The following CLEC18A variants were observed in gnomAD, a reference collection of about 807,000 sequenced individuals.
CLEC18A encodes the protein mannose receptor-like 1.
In CLEC18A, 5 loss-of-function variants were observed where a neutral mutation model predicts 24.0. That is an observed-to-expected ratio of 0.21 (90% CI 0.11 to 0.44). The LOEUF (loss-of-function observed/expected upper bound fraction) is 0.44, where lower values mean the gene tolerates loss of function less well. Among genes scored for constraint, CLEC18A ranks in the 20% least tolerant of loss-of-function variants. The pLI, the probability that CLEC18A is intolerant of heterozygous loss-of-function variation, is 0.99. For synonymous variants in CLEC18A, 29 were observed against 100.1 expected (o/e 0.29, Z 4.24); for missense variants, 83 against 233.4 (o/e 0.36, Z 4.20).
the CLEC18A span, among the ~76,000 whole-genome samples, chr16:69,944,430 C>T: frequency 1.3e-5 from 2 of 151,974 alleles, no homozygotes; most frequent in Admixed American, 1.3e-4. Flanking sequence ...GACAGAGAAA[C>T]ATTTTAAGAA....
intron 3 of CLEC18A, among the ~76,000 whole-genome samples, chr16:69,955,451 A>G (rs1350725829): frequency 2.0e-5 from 3 of 151,654 alleles, no homozygotes; most frequent in South Asian, 4.2e-4. Context: ...CCCAGATTCA[A>G]GTGACTGTCC....
At chr16:69,956,030 G>T (rs1239186837) in intron 3 of CLEC18A, among the ~76,000 whole-genome samples, 2 of 152,216 alleles carry the variant, frequency 1.3e-5, no homozygotes, top group East Asian at 3.9e-4. Context: ...AGGATTGCCT[G>T]AGCCCGGGAG....
upstream of CLEC18A, among the ~76,000 whole-genome samples, chr16:69,947,752 T>C (rs1339268359): frequency 1.6e-5 from 1 of 60,846 alleles, no homozygotes; most frequent in African/African-American, 4.7e-5. Flanking sequence ...TCTCATTCTG[T>C]TGCCCAGGCT....
At chr16:69,953,035 G>A (rs984964084) in intron 2 of CLEC18A, 2 of 150,508 alleles carry the variant, frequency 1.3e-5, no homozygotes, top group African/African-American at 5.0e-5. Context: ...ACTCCTGCCT[G>A]GGACCCCAGG....
At chr16:69,948,374 G>GT (rs59792189), upstream of CLEC18A, among the ~76,000 whole-genome samples, 101 of 126,604 alleles carry the variant, frequency 8.0e-4, 1 homozygote, top group African/African-American at 2.3e-3. Context: ...AGAGTTAAAT[G>GT]TTTTTTTTGT....
chr16:69,965,527 G>C (rs868835371), downstream of CLEC18A, among the ~76,000 whole-genome samples: 18 of 151,182 alleles, frequency 1.2e-4, no homozygotes, highest in South Asian at 6.4e-4. Context: ...CGGGGCGGCC[G>C]AGCCGAGACC....
chr16:69,946,392 ATTTTTTTTT>A (rs56112480), upstream of CLEC18A, among the ~76,000 whole-genome samples: 853 of 84,122 alleles, frequency 0.01, 8 homozygotes, highest in African/African-American at 0.031. Flanking sequence ...ATGTGTATGG[ATTTTTTTTT>A]TTTTTTTTTT....
chr16:69,950,635 T>A (rs1301886797), upstream of CLEC18A: 1 of 81,064 alleles, frequency 1.2e-5, no homozygotes, highest in Non-Finnish European at 2.8e-5. Context: ...ACTCCCCCCC[T>A]GGCCTGTAGT....
chr16:69,956,200 C>G (rs1353599759), intron 3 of CLEC18A, among the ~76,000 whole-genome samples: 1 of 140,022 alleles, frequency 7.1e-6, no homozygotes, highest in Non-Finnish European at 1.5e-5. Context: ...TGAGCTGAGA[C>G]TGCGCCATTG....
At chr16:69,953,835 AGAG>A (rs1326163169) in intron 2 of CLEC18A, 1 of 150,466 alleles carries the variant, frequency 6.6e-6, no homozygotes, top group Non-Finnish European at 1.3e-5. Flanking sequence ...AAAAAAAAGA[AGAG>A]GGAGGGGGCG....
chr16:69,952,365 G>C (rs1431744558), intron 2 of CLEC18A: 4 of 305,332 alleles, frequency 1.3e-5, no homozygotes, highest in African/African-American at 9.7e-5. Context: ...TCGCCTGAAG[G>C]GCAGGACCTT....
At chr16:69,955,638 C>T (rs2059024086) in intron 3 of CLEC18A, among the ~76,000 whole-genome samples, 1 of 148,644 alleles carries the variant, frequency 6.7e-6, no homozygotes, top group African/African-American at 2.5e-5. Context: ...GCGTGTGAGA[C>T]ACCGCACCCA....
At chr16:69,946,389 T>C (rs2058911014), upstream of CLEC18A, among the ~76,000 whole-genome samples, 1 of 114,666 alleles carries the variant, frequency 8.7e-6, no homozygotes, top group African/African-American at 3.3e-5. Flanking sequence ...TTTATGTGTA[T>C]GGATTTTTTT....
At chr16:69,965,320 G>A (rs552437994), downstream of CLEC18A, among the ~76,000 whole-genome samples, 265 of 148,790 alleles carry the variant, frequency 1.8e-3, no homozygotes, top group African/African-American at 5.9e-3. Flanking sequence ...GGTGGGAGAC[G>A]GGAGGGCCCG....
chr16:69,945,783 A>G (rs2058909127), upstream of CLEC18A, among the ~76,000 whole-genome samples: 1 of 152,242 alleles, frequency 6.6e-6, no homozygotes, highest in South Asian at 2.1e-4. Flanking sequence ...ACATGGTGAA[A>G]TCTGTCTCTA....
downstream of CLEC18A, among the ~76,000 whole-genome samples, chr16:69,965,367 G>A (rs1170901129): frequency 2.6e-5 from 4 of 152,150 alleles, no homozygotes; most frequent in African/African-American, 9.7e-5. Flanking sequence ...TCAGCCAGCA[G>A]CCGCGCCTCT....
chr16:69,954,621 C>T lies in CLEC18A; in HGVS notation c.456+48C>T, dbSNP rs571880756. ...CAGTGTGCCAGCTCCCAGATACAGA[C>T]TTCCACTGGGCCATCTCAGAAGAGG... is the stretch of plus-strand genomic sequence containing the variant. On this transcript the variant is annotated intron_variant, in intron 3 of 11. Transcript: ENST00000288040. 1.6e-4 allele frequency: 252 copies of T among 1,604,334 alleles called. 3 individuals carry two copies. The South Asian group carries it at 1.6e-3, about 10-fold the overall frequency.
rs140388616 is a variant in CLEC18A at position 69,963,060 on chromosome 16, C to T, written c.1296C>T (p.Cys432=). The change falls in exon 11 of 12, where the codon TGC becomes TGT. Residue 432 remains cysteine (C), a synonymous_variant. Coordinates refer to ENST00000288040, the MANE Select transcript of CLEC18A (RefSeq NM_001370523.4). The part of the protein sequence containing the change: ...QRCKTRNRYI[C]QFAQEHISRW... The stretch of plus-strand genomic sequence containing the variant: ...GCAAAACCCGAAACCGTTACATCTG[C>T]CAGTTTGGTGAGGGACTTCCTGAGG... The T allele has an allele frequency of 1.5e-4, 246 of 1,613,570 alleles. No individual in the cohort carries two copies. In the African/African-American group the frequency reaches 3.1e-3, roughly 20 times the overall value.
upstream of CLEC18A, among the ~76,000 whole-genome samples, chr16:69,948,313 G>A (rs1218247040): frequency 2.8e-5 from 3 of 107,194 alleles, no homozygotes; most frequent in Non-Finnish European, 5.6e-5. Context: ...GAGCTACTAC[G>A]CCTGGCCTGG....
Sources: gnomAD v4.1 joint callset for allele counts (sites outside exome capture counted in the v4.1 genomes callset) on GRCh38, gnomAD v4.1.1 for gene constraint, MANE v1.5 for transcripts, NCBI Gene and HGNC (gene_info 2026-07-23, HGNC 2026-07-21) for gene names.